The following C11orf65 variants were observed in gnomAD, a reference collection of about 807,000 sequenced individuals.
C11orf65 encodes protein MFI.
A neutral mutation model predicts 35.3 loss-of-function variants in C11orf65; 38 were observed. The observed-to-expected ratio is 1.08, with a 90% CI of 0.83 to 1.41. The LOEUF is 1.41. Ranked by LOEUF, C11orf65 falls within the 40% of genes most tolerant of loss-of-function variation. C11orf65 has a pLI of 0.00. For synonymous variants in C11orf65, 105 were observed against 114.4 expected (o/e 0.92, Z 0.53); for missense variants, 370 against 367.1 (o/e 1.01, Z -0.06).
chr11:108,446,569 G>A (rs1262049658), intron 2 of C11orf65, among the ~76,000 whole-genome samples: 2 of 151,930 alleles, frequency 1.3e-5, no homozygotes, highest in African/African-American at 2.4e-5. Flanking sequence ...ATACTTTACA[G>A]ACAAGCAAAT....
Position 108,345,804 on chromosome 11 carries a change from T to G in C11orf65, c.227-10512A>C, listed in dbSNP as rs121434216. The G allele has an allele frequency of 1.2e-6, 2 of 1,613,914 alleles. No individual in the cohort carries two copies. Among genetic ancestry groups the G allele is most frequent in the South Asian group, 2.2e-5 (2 of 91,072 alleles). On this transcript the variant is annotated intron_variant, in intron 2 of 3. Coordinates refer to the C11orf65 transcript ENST00000524755. ...GTCTTCATGGATGTTTGCCAAAATT[T>G]TCAACCAGTTTTCCGTTACTTCTGC...
At chr11:108,387,603 C>T (rs1158194661) in intron 7 of C11orf65, among the ~76,000 whole-genome samples, 1 of 152,154 alleles carries the variant, frequency 6.6e-6, no homozygotes, top group Non-Finnish European at 1.5e-5. Flanking sequence ...TCATGGGTCA[C>T]TGCAGCCTCA....
chr11:108,335,199 G>A lies in C11orf65; in HGVS notation c.299+21C>T, dbSNP rs1227680905. 5 of 1,596,394 alleles carry A rather than the reference G, an allele frequency of 3.1e-6. No individual in the cohort carries two copies. Among genetic ancestry groups the A allele is most frequent in the Non-Finnish European group, 4.3e-6 (5 of 1,173,978 alleles). On this transcript the variant is annotated intron_variant, in intron 3 of 3. Transcript: ENST00000524755. ...TTCTTTCTGCTTTATTTGGGATTTT[G>A]TCTTTATTTTGAATACTTACAAATG... is the stretch of plus-strand genomic sequence containing the variant.
intron 3 of C11orf65, among the ~76,000 whole-genome samples, chr11:108,423,450 G>C (rs1293260582): frequency 6.6e-6 from 1 of 152,198 alleles, no homozygotes. Context: ...CCCTCACAGA[G>C]CACCTGGGGG....
At chr11:108,327,009 G>A (rs1490222312), downstream of C11orf65, among the ~76,000 whole-genome samples, 1 of 152,060 alleles carries the variant, frequency 6.6e-6, no homozygotes, top group Non-Finnish European at 1.5e-5. Context: ...TGTATTTTTA[G>A]TAGAGATGGG....
chr11:108,369,281 G>T (rs2138056921), intron 2 of C11orf65, among the ~76,000 whole-genome samples: 1 of 152,258 alleles, frequency 6.6e-6, no homozygotes, highest in African/African-American at 2.4e-5. Context: ...TGCACAACCA[G>T]TCTGATAATG....
intron 2 of C11orf65, among the ~76,000 whole-genome samples, chr11:108,434,467 T>G (rs533174310): frequency 6.7e-6 from 1 of 149,962 alleles, no homozygotes; most frequent in East Asian, 2.0e-4. Flanking sequence ...ATGGTGCCAC[T>G]GCACTCCAGC....
chr11:108,368,121 A>G (rs973013574), intron 2 of C11orf65: 2 of 206,964 alleles, frequency 9.7e-6, no homozygotes, highest in Admixed American at 5.9e-5. Context: ...ATTCTAATCA[A>G]TGGCTTTGAA....
chr11:108,430,606 G>A (rs1483674243), intron 3 of C11orf65, among the ~76,000 whole-genome samples: 1 of 152,016 alleles, frequency 6.6e-6, no homozygotes, highest in Non-Finnish European at 1.5e-5. Flanking sequence ...CACTTTGGGA[G>A]GCCAAGGTAG....
At chr11:108,373,827 C>G (rs572915286) in intron 2 of C11orf65, among the ~76,000 whole-genome samples, 1 of 152,372 alleles carries the variant, frequency 6.6e-6, no homozygotes, top group East Asian at 1.9e-4. Context: ...CACCCGAATA[C>G]TGCGCTTTTC....
chr11:108,381,446 T>A (rs1229714116), downstream of C11orf65, among the ~76,000 whole-genome samples: 1 of 152,216 alleles, frequency 6.6e-6, no homozygotes, highest in Non-Finnish European at 1.5e-5. Context: ...GATAAATATC[T>A]GGTTTCTCTG....
intron 2 of C11orf65, among the ~76,000 whole-genome samples, chr11:108,452,237 A>T (rs1174541686): frequency 6.6e-6 from 1 of 152,174 alleles, no homozygotes; most frequent in African/African-American, 2.4e-5. Context: ...AATGGGAGAA[A>T]ATTTTTCCAA....
intron 2 of C11orf65, among the ~76,000 whole-genome samples, chr11:108,338,870 A>G (rs1272874605): frequency 6.6e-6 from 1 of 152,174 alleles, no homozygotes; most frequent in Admixed American, 6.5e-5. Flanking sequence ...GCCTTTAGTT[A>G]AGGTTCCCTA....
intron 6 of C11orf65, among the ~76,000 whole-genome samples, chr11:108,318,557 G>T (rs1451859234): frequency 6.6e-6 from 1 of 151,582 alleles, no homozygotes; most frequent in Non-Finnish European, 1.5e-5. Flanking sequence ...GGGTGTGCTG[G>T]AGCATGCCTG....
At chr11:108,365,090 A>C (rs773994431) in intron 2 of C11orf65, 1 of 1,614,104 alleles carries the variant, frequency 6.2e-7, no homozygotes, top group Non-Finnish European at 8.5e-7. Flanking sequence ...AGGTCCTTCT[A>C]TATGATCCAC....
chr11:108,335,823 T>G, intron 2 of C11orf65: 1 of 1,584,326 alleles, frequency 6.3e-7, no homozygotes, highest in African/African-American at 1.3e-5. Context: ...TACTTGTTTA[T>G]TCATGCTTAA....
downstream of C11orf65, chr11:108,330,464 A>G: frequency 1.9e-6 from 3 of 1,593,498 alleles, no homozygotes; most frequent in Non-Finnish European, 2.6e-6. Flanking sequence ...TGCTTGAAAA[A>G]CTTAGACATA....
intron 2 of C11orf65, among the ~76,000 whole-genome samples, chr11:108,451,172 G>A (rs2093342925): frequency 6.6e-6 from 1 of 151,930 alleles, no homozygotes; most frequent in African/African-American, 2.4e-5. Context: ...TCAGGCAGGA[G>A]AAAGAAATAA....
At chr11:108,378,123 A>G (rs1008416201), downstream of C11orf65, among the ~76,000 whole-genome samples, 16 of 152,198 alleles carry the variant, frequency 1.1e-4, no homozygotes, top group Non-Finnish European at 2.1e-4. Context: ...CAGAATTGGA[A>G]AAAACTACTT....
Sources: allele counts gnomAD v4.1 joint callset (sites outside exome capture counted in the v4.1 genomes callset), GRCh38; gene constraint gnomAD v4.1.1; transcripts MANE v1.5; gene names NCBI Gene and HGNC (gene_info 2026-07-23, HGNC 2026-07-21).